AKAP9: variants seen among roughly 807,000 people sequenced by gnomAD.
AKAP9 encodes A-kinase anchoring protein 9.
AKAP9 carries 311 observed loss-of-function variants against 488.5 expected under a neutral mutation model. The observed-to-expected ratio is 0.64, with a 90% CI of 0.58 to 0.70. The LOEUF (loss-of-function observed/expected upper bound fraction) is 0.70, where lower values mean the gene tolerates loss of function less well. AKAP9 is among the 30% of genes least tolerant of loss of function. AKAP9 has a pLI of 0.00. For missense variants in AKAP9, 4,215 were observed against 4,374.5 expected, an observed-to-expected ratio of 0.96 and a Z score of 1.03; for synonymous variants, 1,462 against 1,483.5, an observed-to-expected ratio of 0.99 and a Z score of 0.33.
At chr7:92,012,917 C>G (rs10280489) in intron 9 of AKAP9, among the ~76,000 whole-genome samples, 29 of 144,750 alleles carry the variant, frequency 2.0e-4, no homozygotes, top group Non-Finnish European at 3.9e-4. Context: ...GGAGAAACAT[C>G]TAGTACTTCC....
At chr7:91,963,606 C>T (rs1317362794) in intron 1 of AKAP9, among the ~76,000 whole-genome samples, 1 of 152,068 alleles carries the variant, frequency 6.6e-6, no homozygotes, top group Non-Finnish European at 1.5e-5. Flanking sequence ...CAAGCTCCGC[C>T]TCCCGGATTC....
intron 12 of AKAP9, among the ~76,000 whole-genome samples, chr7:92,020,062 G>A (rs1253498158): frequency 6.6e-6 from 1 of 152,004 alleles, no homozygotes; most frequent in African/African-American, 2.4e-5. Context: ...TACTTAACAG[G>A]TAGATGAATA....
intron 1 of AKAP9, among the ~76,000 whole-genome samples, chr7:91,963,703 A>G (rs1019075206): frequency 6.6e-6 from 1 of 152,130 alleles, no homozygotes; most frequent in African/African-American, 2.4e-5. Context: ...TATTTTTAGT[A>G]GAGATGTGGT....
chr7:92,100,494 T>C (rs1161100899), intron 44 of AKAP9, among the ~76,000 whole-genome samples: 1 of 152,228 alleles, frequency 6.6e-6, no homozygotes, highest in African/African-American at 2.4e-5. Flanking sequence ...ACTTATTATG[T>C]ACATACTGGC....
chr7:91,991,941 G>T (rs1413256662), intron 3 of AKAP9, among the ~76,000 whole-genome samples: 4 of 152,180 alleles, frequency 2.6e-5, no homozygotes, highest in African/African-American at 4.8e-5. Flanking sequence ...TGTGTCTTTT[G>T]CATTGTAAGC....
intron 24 of AKAP9, 89 bp downstream of exon 24, chr7:92,062,575 G>A (rs1329970758): frequency 4.9e-6 from 5 of 1,021,424 alleles, no homozygotes; most frequent in Non-Finnish European, 7.5e-6. Flanking sequence ...CTCTTTCAGT[G>A]CCATTATTCA....
At chr7:91,982,207 G>T (rs969743335) in intron 3 of AKAP9, among the ~76,000 whole-genome samples, 1 of 151,250 alleles carries the variant, frequency 6.6e-6, no homozygotes, top group Admixed American at 6.6e-5. Flanking sequence ...ATGTATGTAT[G>T]ATACTTTAAG....
In AKAP9 at chr7:92,097,555, A is replaced by T. The variant is rs756741542; in HGVS notation, c.10399-31A>T. On this transcript the variant is annotated intron_variant, in intron 41 of 49. Coordinates refer to ENST00000356239, the MANE Select transcript of AKAP9 (RefSeq NM_005751.5). The stretch of plus-strand genomic sequence containing the variant: ...TGTGATATGCTGTTCACTTATAATT[A>T]TTGTTTTCTTATTCTGTCCAAAATT... 4.4e-6 allele frequency: 7 copies of T among 1,600,376 alleles called. No individual in the cohort carries two copies. The East Asian group carries it at 1.3e-4, about 31-fold the overall frequency.
At chr7:91,943,404 A>G (rs2130433404) in intron 1 of AKAP9, among the ~76,000 whole-genome samples, 1 of 152,352 alleles carries the variant, frequency 6.6e-6, no homozygotes, top group Non-Finnish European at 1.5e-5. Context: ...GTGTGCTTTC[A>G]GATTAGAACT....
At chr7:92,033,019 T>A (rs1451214317) in intron 16 of AKAP9, among the ~76,000 whole-genome samples, 3 of 152,230 alleles carry the variant, frequency 2.0e-5, no homozygotes, top group African/African-American at 7.2e-5. Flanking sequence ...TAGCAATTTT[T>A]ATAAGGATTC....
intron 16 of AKAP9, among the ~76,000 whole-genome samples, chr7:92,034,233 A>G (rs1435542434): frequency 6.6e-6 from 1 of 152,156 alleles, no homozygotes; most frequent in African/African-American, 2.4e-5. Flanking sequence ...TCTTTAAGAC[A>G]CGGTCAGGAG....
At position 91,940,919 on chromosome 7, in the gene AKAP9, G is replaced by T. The variant is rs575785930; in HGVS notation, c.-181G>T. On this transcript the variant is annotated 5_prime_UTR_variant, in exon 1 of 50. Transcript: ENST00000356239. Reference sequence around the variant, plus strand: ...GCGGCGGTGACGGCGCTTCCCGTGCGGCTGAGGACGATCCGCCAGTGAGCG... The same window carrying T: ...GCGGCGGTGACGGCGCTTCCCGTGCTGCTGAGGACGATCCGCCAGTGAGCG... The T allele has an allele frequency of 3.0e-6, 2 of 668,326 alleles. No individual in the cohort carries two copies. Among genetic ancestry groups the T allele is most frequent in the South Asian group, 3.5e-5 (2 of 56,574 alleles). 41.4% of individuals were successfully genotyped at this position (668,326 alleles called of 1,614,324 possible).
At chr7:91,946,116 A>G (rs1791425728) in intron 1 of AKAP9, among the ~76,000 whole-genome samples, 1 of 152,226 alleles carries the variant, frequency 6.6e-6, no homozygotes, top group East Asian at 1.9e-4. Flanking sequence ...TGCAAGCTGT[A>G]TATTGATTAT....
At chr7:92,051,068 T>A (rs1331351325) in intron 21 of AKAP9, among the ~76,000 whole-genome samples, 1 of 152,222 alleles carries the variant, frequency 6.6e-6, no homozygotes, top group African/African-American at 2.4e-5. Context: ...CAAAATATGA[T>A]TTACTCTTTC....
chr7:92,084,874 C>T lies in AKAP9; in HGVS notation c.8766C>T (p.Asp2922=), dbSNP rs1252994792. 2 of 1,613,226 alleles carry T rather than the reference C, an allele frequency of 1.2e-6. No individual in the cohort carries two copies. The highest frequency in any genetic ancestry group is 2.2e-5 in the South Asian group (2 of 91,048). The change falls in exon 35 of 50, where the codon GAC becomes GAT. Residue 2922 remains aspartate (D), a synonymous_variant. Coordinates refer to ENST00000356239, the MANE Select transcript of AKAP9 (RefSeq NM_005751.5). ...ATCTTACACACAGTCAGGGATTTGA[C>T]ATAGCATCAGAAGGCCGAGGAGAAG... ...GIYLTHSQGF[D]IASEGRGEES... is the part of the protein sequence containing the mutation.
chr7:92,005,689 C>T (rs749669407), intron 8 of AKAP9, among the ~76,000 whole-genome samples: 7 of 151,716 alleles, frequency 4.6e-5, no homozygotes, highest in Non-Finnish European at 5.9e-5. Flanking sequence ...TTTTTGAGAC[C>T]GAGTCTCACT....
chr7:91,973,905 T>C lies in AKAP9; in HGVS notation c.243T>C (p.Ser81=), dbSNP rs756503524. Residue 81 remains serine (S), a synonymous_variant, in exon 2 of 50, where the codon TCT becomes TCC. Coordinates refer to ENST00000356239, the MANE Select transcript of AKAP9 (RefSeq NM_005751.5). ...QRVESTVIPE[S]TIMRTLHSGE... ...TAGAATCAACTGTGATTCCTGAATC[T>C]ACAATAATGAGAACTCTACATAGTG... The C allele has an allele frequency of 6.2e-7, 1 of 1,614,028 alleles. No individual in the cohort carries two copies. Among genetic ancestry groups the C allele is most frequent in the Admixed American group, 1.7e-5 (1 of 60,022 alleles).
intron 21 of AKAP9, among the ~76,000 whole-genome samples, chr7:92,049,917 C>T (rs1476336009): frequency 6.6e-6 from 1 of 152,160 alleles, no homozygotes; most frequent in South Asian, 2.1e-4. Context: ...TTGCTCCCAT[C>T]TAATACACCA....
In AKAP9 at chr7:91,942,625, GAAAT is replaced by G. The variant is rs1790913635; in HGVS notation, c.48+1479_48+1482del. ...TCACAATTTTTATTGCCTGCCCCCA[GAAAT>G]GTCTTTCCTGAATATATGTGAAGCA... On this transcript the variant is annotated intron_variant, in intron 1 of 49. Coordinates refer to ENST00000356239, the MANE Select transcript of AKAP9 (RefSeq NM_005751.5). Among the ~76,000 whole-genome samples the G allele has an allele frequency of 2.6e-5, 4 of 152,248 alleles. 1 individual carries two copies.
Sources: gnomAD v4.1 joint callset for allele counts (sites outside exome capture counted in the v4.1 genomes callset) on GRCh38, gnomAD v4.1.1 for gene constraint, MANE v1.5 for transcripts, NCBI Gene and HGNC (gene_info 2026-07-23, HGNC 2026-07-21) for gene names.